The following GLIS3 variants were observed in gnomAD, a reference collection of about 807,000 sequenced individuals.
The protein encoded by GLIS3 is zinc finger protein GLIS3.
In GLIS3, 53 loss-of-function variants were observed where a neutral mutation model predicts 78.6. That is an observed-to-expected ratio of 0.67 (90% CI 0.54 to 0.85). The LOEUF is 0.85. Among genes scored for constraint, GLIS3 ranks in the 40% least tolerant of loss-of-function variants. The pLI, the probability that GLIS3 is intolerant of heterozygous loss-of-function variation, is 0.00. For synonymous variants in GLIS3, 684 were observed against 509.9 expected (o/e 1.34, Z -4.60); for missense variants, 1,703 against 1,231.1 (o/e 1.38, Z -5.74).
intron 4 of GLIS3, among the ~76,000 whole-genome samples, chr9:3,964,880 A>C (rs1817814880): frequency 6.6e-6 from 1 of 152,218 alleles, no homozygotes; most frequent in African/African-American, 2.4e-5. Flanking sequence ...AAGAGAAAAG[A>C]AATGTTCCTG....
chr9:3,887,043 T>C (rs535761230), intron 7 of GLIS3, among the ~76,000 whole-genome samples: 1 of 152,318 alleles, frequency 6.6e-6, no homozygotes, highest in Admixed American at 6.5e-5. Flanking sequence ...GGCACAGTCA[T>C]CTCTCTAATC....
the GLIS3 span, among the ~76,000 whole-genome samples, chr9:4,433,778 C>T: frequency 6.6e-6 from 1 of 152,194 alleles, no homozygotes; most frequent in Non-Finnish European, 1.5e-5. Flanking sequence ...CTTCCACTTG[C>T]TAGTGGTGTA....
intron 2 of GLIS3, among the ~76,000 whole-genome samples, chr9:4,161,548 T>C (rs1835475885): frequency 6.6e-6 from 1 of 152,072 alleles, no homozygotes; most frequent in East Asian, 1.9e-4. Context: ...GCCCCAGTTA[T>C]TATGGTAAGA....
the GLIS3 span, among the ~76,000 whole-genome samples, chr9:4,480,200 CTTTTT>C: frequency 2.1e-5 from 2 of 93,882 alleles, no homozygotes; most frequent in African/African-American, 4.6e-5. Context: ...GCTGGGCTTT[CTTTTT>C]TTTTTTTTTT....
intron 9 of GLIS3, among the ~76,000 whole-genome samples, chr9:3,849,194 G>C (rs1011132399): frequency 6.6e-6 from 1 of 152,212 alleles, no homozygotes; most frequent in Non-Finnish European, 1.5e-5. Context: ...GAAGAGATGG[G>C]AAAACATGGG....
the GLIS3 span, among the ~76,000 whole-genome samples, chr9:4,477,475 C>T: frequency 6.6e-6 from 1 of 152,014 alleles, no homozygotes; most frequent in Non-Finnish European, 1.5e-5. Context: ...AATGCAATGG[C>T]GTGATCACGG....
At chr9:4,084,456 G>C (rs746850399) in intron 4 of GLIS3, among the ~76,000 whole-genome samples, 1 of 152,102 alleles carries the variant, frequency 6.6e-6, no homozygotes, top group Admixed American at 6.5e-5. Context: ...CAGCAGGTTC[G>C]CGTGGTGGAG....
chr9:4,396,585 T>C, the GLIS3 span, among the ~76,000 whole-genome samples: 28,254 of 152,202 alleles, frequency 0.19, 3,305 homozygotes, highest in East Asian at 0.34. Context: ...CATTGAAAGA[T>C]TATCGAAGAC....
chr9:4,112,785 T>C (rs1831324722), intron 4 of GLIS3, among the ~76,000 whole-genome samples: 1 of 152,192 alleles, frequency 6.6e-6, no homozygotes, highest in Non-Finnish European at 1.5e-5. Context: ...TATGAAATAT[T>C]TCAAATAGGC....
chr9:4,259,451 C>T (rs368797666), intron 2 of GLIS3, among the ~76,000 whole-genome samples: 1 of 152,000 alleles, frequency 6.6e-6, no homozygotes, highest in African/African-American at 2.4e-5. Context: ...GAAGAAAATA[C>T]AAGGAAGTTA....
intron 5 of GLIS3, among the ~76,000 whole-genome samples, chr9:3,936,392 A>C (rs747995708): frequency 1.3e-5 from 2 of 152,234 alleles, no homozygotes; most frequent in Non-Finnish European, 2.9e-5. Context: ...GGGTGTAATA[A>C]TGAAAATCAA....
chr9:3,937,650 T>G (rs1825970609), intron 4 of GLIS3, among the ~76,000 whole-genome samples: 2 of 152,118 alleles, frequency 1.3e-5, no homozygotes, highest in South Asian at 4.1e-4. Context: ...AATTGAAGAT[T>G]TGAGAGTCCA....
intron 4 of GLIS3, among the ~76,000 whole-genome samples, chr9:4,052,193 T>G (rs2130483515): frequency 6.6e-6 from 1 of 152,270 alleles, no homozygotes; most frequent in South Asian, 2.1e-4. Flanking sequence ...AAATAAAACT[T>G]TCTCCCCATC....
intron 2 of GLIS3, among the ~76,000 whole-genome samples, chr9:4,230,645 T>G (rs751592): frequency 0.82 from 124,378 of 152,124 alleles, 51,853 homozygotes; most frequent in South Asian, 0.94. Context: ...CAGGGAAATA[T>G]AAGCACCATT....
chr9:3,913,123 A>C (rs547022389), intron 6 of GLIS3, among the ~76,000 whole-genome samples: 1 of 152,174 alleles, frequency 6.6e-6, no homozygotes, highest in African/African-American at 2.4e-5. Context: ...CCTATGTTAC[A>C]GCTTAGGAAG....
chr9:3,965,011 T>TA (rs939717112), intron 4 of GLIS3, among the ~76,000 whole-genome samples: 6 of 151,344 alleles, frequency 4.0e-5, no homozygotes, highest in Non-Finnish European at 7.4e-5. Context: ...ATCTTGGACA[T>TA]AAAAAAAATA....
At chr9:3,871,314 A>G (rs996099845) in intron 8 of GLIS3, among the ~76,000 whole-genome samples, 13 of 152,152 alleles carry the variant, frequency 8.5e-5, no homozygotes, top group African/African-American at 3.1e-4. Context: ...TGGTGGATCT[A>G]CCATTCTGGG....
intron 4 of GLIS3, among the ~76,000 whole-genome samples, chr9:4,043,699 G>A (rs1825017698): frequency 6.6e-6 from 1 of 152,166 alleles, no homozygotes; most frequent in Non-Finnish European, 1.5e-5. Context: ...GAATAAGCCT[G>A]AAAAACTAAC....
chr9:4,057,029 T>G (rs1292404580), intron 4 of GLIS3, among the ~76,000 whole-genome samples: 1 of 150,964 alleles, frequency 6.6e-6, no homozygotes, highest in Admixed American at 6.7e-5. Flanking sequence ...TGGCCTTACA[T>G]ACTGGCCATG....
Sources: allele counts gnomAD v4.1 joint callset (sites outside exome capture counted in the v4.1 genomes callset), GRCh38; gene constraint gnomAD v4.1.1; transcripts MANE v1.5; gene names NCBI Gene and HGNC (gene_info 2026-07-23, HGNC 2026-07-21).